Variants in DFFB observed in about 807,000 individuals in gnomAD.
DFFB encodes DNA fragmentation factor subunit beta.
In DFFB, 29 loss-of-function variants were observed where a neutral mutation model predicts 32.7. That is an observed-to-expected ratio of 0.89 (90% CI 0.66 to 1.21). The LOEUF (loss-of-function observed/expected upper bound fraction) is 1.21, where lower values mean the gene tolerates loss of function less well. DFFB is among the 50% of genes most tolerant of loss of function. The probability of loss-of-function intolerance (pLI) is 0.00; values close to 1 mark genes in which losing one functional copy is unlikely to be tolerated. For missense variants in DFFB, 398 were observed against 440.6 expected, an observed-to-expected ratio of 0.90 and a Z score of 0.87; for synonymous variants, 170 against 177.1, an observed-to-expected ratio of 0.96 and a Z score of 0.32.
At chr1:3,868,544 C>T in intron 4 of DFFB, among the ~76,000 whole-genome samples, 1 of 93,362 alleles carries the variant, frequency 1.1e-5, no homozygotes, top group Non-Finnish European at 2.4e-5. Context: ...TTTCCATCCA[C>T]CCCATCGAAT....
intron 2 of DFFB, among the ~76,000 whole-genome samples, chr1:3,863,243 C>G (rs1167832776): frequency 3.3e-5 from 5 of 152,178 alleles, no homozygotes; most frequent in African/African-American, 1.2e-4. Context: ...AAAGAAATGT[C>G]TCCAAGGAAG....
intron 6 of DFFB, among the ~76,000 whole-genome samples, chr1:3,878,804 T>C (rs12027817): frequency 0.18 from 27,028 of 152,196 alleles, 2,426 homozygotes; most frequent in Middle Eastern, 0.22. Context: ...ACACTTCCAT[T>C]TATTTATCAA....
In DFFB at chr1:3,865,838, A is replaced by G; in HGVS notation, c.268A>G (p.Ser90Gly). 6.2e-7 allele frequency: 1 copy of G among 1,614,130 alleles called. No homozygotes were observed. Among genetic ancestry groups the G allele is most frequent in the South Asian group, 1.1e-5 (1 of 91,076 alleles). The change falls in exon 3 of 7, where the codon AGT (serine) becomes GGT (glycine). Residue 90 changes from serine (S) to glycine (G), a missense_variant. By Grantham distance (56) the Ser-to-Gly change is moderately conservative (BLOSUM62 0). Coordinates refer to ENST00000378209, the MANE Select transcript of DFFB (RefSeq NM_004402.4). The surrounding 1 kb of genome is among the most constrained non-coding windows in gnomAD (Gnocchi z 4.7). ...TGTGAGCGACATCAGGCGCTTCCTC[A>G]GTGCATTTCACGAGCCACAGGTGGG... The part of the protein sequence containing the change: ...GYVSDIRRFL[S>G]AFHEPQVGLI...
intron 6 of DFFB, among the ~76,000 whole-genome samples, chr1:3,873,680 T>C (rs1298339172): frequency 6.6e-6 from 1 of 152,126 alleles, no homozygotes; most frequent in Non-Finnish European, 1.5e-5. Context: ...GATTTCTCCA[T>C]GTTGGTCAGG....
At position 3,883,588 on chromosome 1, in the gene DFFB, T is replaced by A. The variant is rs1394627757; in HGVS notation, c.864T>A (p.Tyr288Ter). ...ATGGAAGAGAAGTGGACTGGGAGTA[T>A]TTTTATGGCCTGCTTTTTACCTCAG... ...EQDGREVDWEYFYGLLFTSEN... is the reference protein window; with the variant it reads ...EQDGREVDWE Residue 288 changes from tyrosine to a stop codon, truncating the protein, a stop_gained, in exon 7 of 7, where the codon TAT becomes TAA. Transcript: ENST00000378209. LOFTEE classifies it low-confidence loss of function (END_TRUNC). 6.2e-7 allele frequency: 1 copy of A among 1,614,040 alleles called. No individual in the cohort carries two copies. Among genetic ancestry groups the A allele is most frequent in the Non-Finnish European group, 8.5e-7 (1 of 1,180,038 alleles).
At chr1:3,860,486 C>G (rs2124724628) in intron 2 of DFFB, 1 of 439,550 alleles carries the variant, frequency 2.3e-6, no homozygotes, top group Admixed American at 2.4e-5. Flanking sequence ...GCCTTGGTCT[C>G]CTAAAGTGCT....
chr1:3,869,574 C>T (rs866295438), intron 4 of DFFB, 31 bp from the exon 5 acceptor site: 6 of 1,591,248 alleles, frequency 3.8e-6, no homozygotes, highest in Middle Eastern at 2.1e-4. Flanking sequence ...CGCTGTGCAC[C>T]AGGCTCACCG....
chr1:3,862,309 A>T (rs115343941), intron 2 of DFFB, among the ~76,000 whole-genome samples: 1 of 152,240 alleles, frequency 6.6e-6, no homozygotes, highest in African/African-American at 2.4e-5. Flanking sequence ...TACAAATTCA[A>T]CACAATCCCT....
chr1:3,873,018 G>T (rs1645151599), intron 6 of DFFB: 1 of 1,267,778 alleles, frequency 7.9e-7, no homozygotes, highest in African/African-American at 1.5e-5. Context: ...TTTTAGAGAT[G>T]GAGTCTTGCT....
chr1:3,863,979 T>G (rs377517404), intron 2 of DFFB, among the ~76,000 whole-genome samples: 3 of 152,118 alleles, frequency 2.0e-5, no homozygotes, highest in Admixed American at 1.3e-4. Context: ...TTTTATTTAT[T>G]TTTTTTGAGA....
intron 5 of DFFB, among the ~76,000 whole-genome samples, chr1:3,870,680 G>GGCTGCAGGA (rs1279705868): frequency 3.0e-4 from 46 of 152,306 alleles, no homozygotes; most frequent in African/African-American, 9.9e-4. Context: ...GAGGCCAAGG[G>GGCTGCAGGA]GCTGCAGGAG....
At chr1:3,858,953 A>C in intron 2 of DFFB, 109 bp downstream of exon 2, 3 of 1,451,346 alleles carry the variant, frequency 2.1e-6, no homozygotes, top group Admixed American at 2.4e-5. Flanking sequence ...CTTACTGTGA[A>C]CTCTCGGGTC....
chr1:3,868,139 G>C (rs1008040535), intron 4 of DFFB, 86 bp downstream of exon 4: 1 of 1,190,216 alleles, frequency 8.4e-7, no homozygotes, highest in Non-Finnish European at 1.3e-6. Flanking sequence ...CCTCACGATG[G>C]GTAGTTGGTA....
Position 3,858,863 on chromosome 1 carries a change from G to A in DFFB, c.241+19G>A. 6.2e-7 allele frequency: 1 copy of A among 1,611,770 alleles called. No homozygotes were observed. The highest frequency in any genetic ancestry group is 8.5e-7 in the Non-Finnish European group (1 of 1,179,896). Reference sequence around the variant, plus strand: ...CAGGGCTGTGAGTGGCAAGGACTTTGGAGGTGGGCGGGAAGCTGGCACTCT... The same window carrying A: ...CAGGGCTGTGAGTGGCAAGGACTTTAGAGGTGGGCGGGAAGCTGGCACTCT... On this transcript the variant is annotated intron_variant, in intron 2 of 6. Transcript: ENST00000378209.
At chr1:3,882,333 C>A (rs1422002867) in intron 6 of DFFB, among the ~76,000 whole-genome samples, 1 of 151,784 alleles carries the variant, frequency 6.6e-6, no homozygotes, top group African/African-American at 2.4e-5. Context: ...GAATTACAGA[C>A]GTGAGCCACC....
At position 3,860,807 on chromosome 1, in the gene DFFB, C is replaced by T. The variant is rs75102211; in HGVS notation, c.241+1963C>T. On this transcript the variant is annotated intron_variant, in intron 2 of 6. Coordinates refer to ENST00000378209, the MANE Select transcript of DFFB (RefSeq NM_004402.4). ...TGCCTACCCCTGCCCACCAGCAATC[C>T]CTAGCCCGTAGCAACTGCTGATATG... Among the ~76,000 whole-genome samples the T allele has an allele frequency of 1.4e-3, 219 of 152,246 alleles. 1 individual carries two copies. The highest frequency in any genetic ancestry group is 5.1e-3 in the African/African-American group (212 of 41,542).
At chr1:3,881,397 C>T (rs2124770565) in intron 6 of DFFB, among the ~76,000 whole-genome samples, 1 of 152,330 alleles carries the variant, frequency 6.6e-6, no homozygotes, top group Non-Finnish European at 1.5e-5. Flanking sequence ...CTTTTCTATC[C>T]CCCTTAATGG....
intron 6 of DFFB, 113 bp downstream of exon 6, chr1:3,872,685 T>C: frequency 1.5e-6 from 1 of 647,184 alleles, no homozygotes; most frequent in East Asian, 3.1e-5. Context: ...CCTGCCACGG[T>C]GTTGCCTCCT....
In DFFB at chr1:3,857,488, C is replaced by G. The variant is rs1446168940; in HGVS notation, c.-116C>G. 1.5e-6 allele frequency: 1 copy of G among 654,548 alleles called. No homozygotes were observed. Among genetic ancestry groups the G allele is most frequent in the Non-Finnish European group, 2.4e-6 (1 of 416,450 alleles). 40.5% of individuals were successfully genotyped at this position (654,548 alleles called of 1,614,324 possible). A position where few individuals can be genotyped will look rare whatever the true frequency, so the allele number is the denominator to read the frequency against. On this transcript the variant is annotated 5_prime_UTR_variant, in exon 1 of 7. Transcript: ENST00000378209. ...TTCCGGGATCGGCACCCGGCCTGTG[C>G]CAGCTTGCAGAGCTCACCAGGTGCA...
Sources: allele counts gnomAD v4.1 joint callset (sites outside exome capture counted in the v4.1 genomes callset), GRCh38; gene constraint gnomAD v4.1.1; non-coding constraint Gnocchi (gnomAD v3.1); transcripts MANE v1.5; gene names NCBI Gene and HGNC (gene_info 2026-07-23, HGNC 2026-07-21).